GNAL: variants seen among roughly 807,000 people sequenced by gnomAD.
The protein encoded by GNAL is G protein subunit alpha L.
GNAL carries 18 observed loss-of-function variants against 55.1 expected under a neutral mutation model. The ratio of observed to expected loss-of-function variants is 0.33; its 90% CI spans 0.23 to 0.48. The LOEUF is 0.48. Ranked by LOEUF, GNAL falls within the 20% of genes least tolerant of loss-of-function variation. The pLI, the probability that GNAL is intolerant of heterozygous loss-of-function variation, is 0.99. For synonymous variants in GNAL, 253 were observed against 237.0 expected (o/e 1.07, Z -0.62); for missense variants, 412 against 614.1 (o/e 0.67, Z 3.48).
chr18:11,793,268 G>A (rs2034285693), intron 4 of GNAL, among the ~76,000 whole-genome samples: 2 of 152,218 alleles, frequency 1.3e-5, no homozygotes, highest in Admixed American at 6.5e-5. Flanking sequence ...TAAGGGTCTA[G>A]TAACCAGAAT....
chr18:11,749,400 T>C (rs1391635463), intron 1 of GNAL, among the ~76,000 whole-genome samples: 1 of 152,238 alleles, frequency 6.6e-6, no homozygotes, highest in African/African-American at 2.4e-5. Context: ...AGAATATTTA[T>C]TGAAAAGTAC....
At position 11,844,473 on chromosome 18, in the gene GNAL, C is replaced by T. The variant is rs528962808; in HGVS notation, c.723-17922C>T. On this transcript the variant is annotated intron_variant, in intron 5 of 11. Transcript: ENST00000334049. The stretch of plus-strand genomic sequence containing the variant: ...AAATAGGTTCTCAGGATACATGGTT[C>T]CTGGAACCAGTGCTCTCCATTCTGT... Among the ~76,000 whole-genome samples the T allele has an allele frequency of 2.0e-5, 3 of 152,270 alleles. No homozygotes were observed. In the South Asian group the frequency reaches 6.2e-4, roughly 32 times the overall value.
chr18:11,876,763 C>A, intron 11 of GNAL, 75 bp downstream of exon 11: 1 of 825,880 alleles, frequency 1.2e-6, no homozygotes, highest in Non-Finnish European at 2.2e-6. Context: ...GCAAATTACT[C>A]CTTGATGATC....
intron 4 of GNAL, among the ~76,000 whole-genome samples, chr18:11,823,618 T>G (rs2035162489): frequency 6.6e-6 from 1 of 152,214 alleles, no homozygotes; most frequent in African/African-American, 2.4e-5. Context: ...GATCCACCTT[T>G]GTATGGAATT....
At chr18:11,812,203 A>G (rs193001770) in intron 4 of GNAL, among the ~76,000 whole-genome samples, 1 of 152,388 alleles carries the variant, frequency 6.6e-6, no homozygotes, top group Non-Finnish European at 1.5e-5. Context: ...GGAACTGATT[A>G]GTAAAAGTTT....
At chr18:11,731,537 G>A (rs1488670732) in intron 1 of GNAL, among the ~76,000 whole-genome samples, 1 of 152,202 alleles carries the variant, frequency 6.6e-6, no homozygotes, top group Non-Finnish European at 1.5e-5. Flanking sequence ...TTTATTTTTA[G>A]TTTACGATAG....
Position 11,751,701 on chromosome 18 carries a change from C to G in GNAL, c.377-1152C>G. ...CTGCGGGCCCGGAACCCAGGCCGGTCAGCGTGTAAGCGCCCCAGCCGGCCG... is the reference window on the plus strand; with the variant it reads ...CTGCGGGCCCGGAACCCAGGCCGGTGAGCGTGTAAGCGCCCCAGCCGGCCG... On this transcript the variant is annotated intron_variant, in intron 1 of 11. Coordinates refer to ENST00000334049, the MANE Select transcript of GNAL (RefSeq NM_182978.4). This position sits in a 1 kb window ranked among gnomAD's most constrained non-coding sequence, Gnocchi z 4.5. 1 of 979,796 alleles carries G rather than the reference C, an allele frequency of 1.0e-6. No homozygotes were observed. The allele number at this position is 979,796 out of a possible 1,614,324, so 60.7% of individuals were successfully genotyped here. A position where few individuals can be genotyped will look rare whatever the true frequency, so the allele number is the denominator to read the frequency against.
At chr18:11,729,196 A>T (rs1455729825) in intron 1 of GNAL, among the ~76,000 whole-genome samples, 1 of 152,180 alleles carries the variant, frequency 6.6e-6, no homozygotes, top group African/African-American at 2.4e-5. Context: ...GTTGGGTACA[A>T]CATCTTCCAT....
chr18:11,856,305 C>T (rs752072565), intron 5 of GNAL, among the ~76,000 whole-genome samples: 3 of 151,320 alleles, frequency 2.0e-5, no homozygotes, highest in Non-Finnish European at 2.9e-5. Context: ...CCATAGGGAG[C>T]CCGGGCCAGG....
At chr18:11,831,378 A>C (rs186445491) in intron 5 of GNAL, among the ~76,000 whole-genome samples, 1 of 152,252 alleles carries the variant, frequency 6.6e-6, no homozygotes, top group Admixed American at 6.5e-5. Flanking sequence ...CTGCTTCTTC[A>C]TACTTGACCC....
chr18:11,837,955 C>T (rs1041563140), intron 5 of GNAL, among the ~76,000 whole-genome samples: 2 of 152,152 alleles, frequency 1.3e-5, no homozygotes, highest in Non-Finnish European at 2.9e-5. Flanking sequence ...GCCTTGGCAA[C>T]ATGGTGAAAT....
rs998002650 is a variant in GNAL, at chr18:11,866,651, A to G, written c.852-517A>G. On this transcript the variant is annotated intron_variant, in intron 7 of 11. Coordinates refer to ENST00000334049, the MANE Select transcript of GNAL (RefSeq NM_182978.4). ...CTGAATCCAGGCGTGATCAAGACCC[A>G]GTGCAGGTCACCAGGCAGAGGTGGC... Among the ~76,000 whole-genome samples the G allele has an allele frequency of 1.7e-4, 25 of 150,240 alleles. 1 individual carries two copies. The highest frequency in any genetic ancestry group is 1.6e-3 in the Admixed American group (25 of 15,230).
At chr18:11,787,655 A>G (rs2034097307) in intron 4 of GNAL, among the ~76,000 whole-genome samples, 1 of 152,230 alleles carries the variant, frequency 6.6e-6, no homozygotes. Context: ...TGGGCGGATC[A>G]CGAGGTCAGG....
At chr18:11,731,936 CTT>C (rs1258788452) in intron 1 of GNAL, among the ~76,000 whole-genome samples, 2 of 152,168 alleles carry the variant, frequency 1.3e-5, no homozygotes, top group Non-Finnish European at 2.9e-5. Context: ...CATAAATAAT[CTT>C]ATAATATGTG....
chr18:11,695,956 G>GA (rs1191634834), intron 1 of GNAL, among the ~76,000 whole-genome samples: 11 of 149,766 alleles, frequency 7.3e-5, no homozygotes, highest in Non-Finnish European at 1.5e-4. Context: ...ACACACAAAG[G>GA]AAAAAAAACA....
intron 5 of GNAL, among the ~76,000 whole-genome samples, chr18:11,843,842 G>A (rs571793358): frequency 6.6e-6 from 1 of 151,972 alleles, no homozygotes; most frequent in Non-Finnish European, 1.5e-5. Flanking sequence ...GCATGGTGGT[G>A]CATGCCTGTA....
At chr18:11,831,556 A>AG (rs1161379913) in intron 5 of GNAL, among the ~76,000 whole-genome samples, 1 of 152,202 alleles carries the variant, frequency 6.6e-6, no homozygotes, top group Non-Finnish European at 1.5e-5. Flanking sequence ...CTTCAAGAAA[A>AG]GGGGGGTTTT....
chr18:11,725,394 C>T lies in GNAL; in HGVS notation c.377-27459C>T, dbSNP rs868232093. Among the ~76,000 whole-genome samples the T allele has an allele frequency of 3.3e-5, 5 of 152,158 alleles. No individual in the cohort carries two copies. In the South Asian group the frequency reaches 1.0e-3, roughly 32 times the overall value. ...GAGACCTCAGAAGAGACTAACTCTG[C>T]TGACACCCTGGCCTTGAACTTCTAA... On this transcript the variant is annotated intron_variant, in intron 1 of 11. Coordinates refer to ENST00000334049, the MANE Select transcript of GNAL (RefSeq NM_182978.4).
Position 11,713,944 on chromosome 18 carries a change from C to T in GNAL, c.376+24005C>T, listed in dbSNP as rs564631354. 1.7e-3 allele frequency among the ~76,000 whole-genome samples: 259 copies of T among 152,284 alleles called. 2 individuals carry two copies. Among genetic ancestry groups the T allele is most frequent in the Non-Finnish European group, 2.8e-3 (193 of 68,016 alleles). ...CAAGTTCACACTGAGGTCTAAAGGGCGAGGCCTAACACCTTCTCTGTCCTT... is the reference window on the plus strand; with the variant it reads ...CAAGTTCACACTGAGGTCTAAAGGGTGAGGCCTAACACCTTCTCTGTCCTT... On this transcript the variant is annotated intron_variant, in intron 1 of 11. Transcript: ENST00000334049.
Sources: gnomAD v4.1 joint callset for allele counts (sites outside exome capture counted in the v4.1 genomes callset) on GRCh38, gnomAD v4.1.1 for gene constraint, Gnocchi (gnomAD v3.1) non-coding constraint, MANE v1.5 for transcripts, NCBI Gene and HGNC (gene_info 2026-07-23, HGNC 2026-07-21) for gene names.